Variants in NAA35 observed in about 807,000 individuals in gnomAD.
NAA35 encodes N-alpha-acetyltransferase 35, NatC auxiliary subunit.
A neutral mutation model predicts 101.7 loss-of-function variants in NAA35; 18 were observed. The ratio of observed to expected loss-of-function variants is 0.18; its 90% CI spans 0.12 to 0.26. NAA35 has a LOEUF of 0.26. Ranked by LOEUF, NAA35 falls within the 10% of genes least tolerant of loss-of-function variation. The pLI is 1.00. For missense variants in NAA35, 601 were observed against 886.8 expected (o/e 0.68, Z 4.09); for synonymous variants, 267 against 273.1 (o/e 0.98, Z 0.22).
intron 2 of NAA35, among the ~76,000 whole-genome samples, chr9:85,955,327 CATATATATATATATATATATAT>C (rs1173706353): frequency 3.6e-5 from 3 of 82,864 alleles, no homozygotes; most frequent in Non-Finnish European, 6.2e-5. Context: ...CATCTATATA[CATATATATATATATATATATAT>C]ATATATATAT....
intron 13 of NAA35, 57 bp downstream of exon 13, chr9:86,003,701 G>T: frequency 2.0e-6 from 2 of 1,004,776 alleles, no homozygotes; most frequent in East Asian, 2.6e-5. Flanking sequence ...TATTGACATT[G>T]TTTTATTGAT....
chr9:86,017,619 T>C, intron 19 of NAA35, 54 bp downstream of exon 19: 2 of 1,359,412 alleles, frequency 1.5e-6, no homozygotes, highest in East Asian at 2.4e-5. Context: ...CCCTATTATA[T>C]AGTTTATTTA....
intron 21 of NAA35, 51 bp downstream of exon 21, chr9:86,018,872 AT>A (rs1832374407): frequency 6.3e-7 from 1 of 1,594,076 alleles, no homozygotes; most frequent in African/African-American, 1.3e-5. Flanking sequence ...CAGGAAATAC[AT>A]CTCTTACTGC....
chr9:85,979,964 A>G (rs1467387499), intron 11 of NAA35, among the ~76,000 whole-genome samples: 1 of 152,098 alleles, frequency 6.6e-6, no homozygotes, highest in Non-Finnish European at 1.5e-5. Context: ...CACCAGTTCC[A>G]TGTCTGGGTT....
Position 85,977,350 on chromosome 9 carries a change from C to T in NAA35, c.679-13C>T, listed in dbSNP as rs372840745. ...TGCATCTTTTAACTTTTAGTCCTTT[C>T]TTGTTTTTTTAGCACCAACAATGTT... On this transcript the variant is annotated splice_polypyrimidine_tract_variant and intron_variant, in intron 9 of 22. Coordinates refer to ENST00000361671, the MANE Select transcript of NAA35 (RefSeq NM_024635.4). 1.3e-5 allele frequency: 21 copies of T among 1,598,506 alleles called. No individual in the cohort carries two copies. Among genetic ancestry groups the T allele is most frequent in the Admixed American group, 5.0e-5 (3 of 59,746 alleles).
intron 2 of NAA35, among the ~76,000 whole-genome samples, chr9:85,953,453 A>C (rs1829109584): frequency 6.6e-6 from 1 of 151,962 alleles, no homozygotes; most frequent in Admixed American, 6.6e-5. Context: ...TTGAGACAGA[A>C]TTTCACCCTG....
chr9:85,958,418 G>A, intron 3 of NAA35, 54 bp from the exon 4 acceptor site: 2 of 1,083,330 alleles, frequency 1.8e-6, no homozygotes, highest in Non-Finnish European at 2.8e-6. Context: ...GTGAAAATAT[G>A]AATAAGCTTA....
At chr9:86,007,083 CATA>C (rs1227503113) in intron 13 of NAA35, among the ~76,000 whole-genome samples, 1 of 152,152 alleles carries the variant, frequency 6.6e-6, no homozygotes, top group Non-Finnish European at 1.5e-5. Context: ...GCTCATTTGA[CATA>C]ATCAGATTAG....
intron 2 of NAA35, 80 bp from the exon 3 acceptor site, chr9:85,956,280 A>G (rs1286312111): frequency 1.2e-6 from 1 of 800,460 alleles, no homozygotes; most frequent in Non-Finnish European, 1.9e-6. Context: ...ACATCTTTTC[A>G]GGTGCTAATG....
At chr9:85,956,898 CATG>C (rs1337516683) in intron 3 of NAA35, among the ~76,000 whole-genome samples, 1 of 152,168 alleles carries the variant, frequency 6.6e-6, no homozygotes, top group African/African-American at 2.4e-5. Flanking sequence ...TGCTTCAACT[CATG>C]GTGGAAAGCA....
chr9:85,998,000 C>T (rs1027758764), intron 12 of NAA35, among the ~76,000 whole-genome samples: 1 of 152,034 alleles, frequency 6.6e-6, no homozygotes, highest in African/African-American at 2.4e-5. Context: ...CTGCAAGCTC[C>T]ACCTCCCAGG....
At chr9:85,956,490 A>G in intron 3 of NAA35, 97 bp downstream of exon 3, 2 of 642,086 alleles carry the variant, frequency 3.1e-6, no homozygotes, top group Non-Finnish European at 4.9e-6. Flanking sequence ...GAGTAAATTT[A>G]CGTTTCAAAA....
intron 14 of NAA35, among the ~76,000 whole-genome samples, chr9:86,008,994 C>G (rs1177182373): frequency 2.6e-5 from 4 of 152,158 alleles, no homozygotes; most frequent in Non-Finnish European, 5.9e-5. Flanking sequence ...GAGCTCCTAG[C>G]ATACTAGGGT....
intron 11 of NAA35, among the ~76,000 whole-genome samples, chr9:85,991,359 TGCATGTGG>T (rs980308133): frequency 6.6e-6 from 1 of 151,974 alleles, no homozygotes; most frequent in African/African-American, 2.4e-5. Flanking sequence ...AGGGCATCTG[TGCATGTGG>T]GTGACCAAGT....
At chr9:85,985,194 G>T (rs1204512538) in intron 11 of NAA35, among the ~76,000 whole-genome samples, 2 of 152,194 alleles carry the variant, frequency 1.3e-5, no homozygotes, top group African/African-American at 2.4e-5. Flanking sequence ...ATACAGTACT[G>T]ATTGGAATAT....
intron 6 of NAA35, among the ~76,000 whole-genome samples, chr9:85,973,049 G>C (rs1021547017): frequency 6.6e-6 from 1 of 152,214 alleles, no homozygotes; most frequent in African/African-American, 2.4e-5. Context: ...TTGAGGAATT[G>C]ACATTAGAAC....
At chr9:85,957,116 A>G (rs1021656545) in intron 3 of NAA35, among the ~76,000 whole-genome samples, 2 of 152,212 alleles carry the variant, frequency 1.3e-5, no homozygotes, top group African/African-American at 4.8e-5. Flanking sequence ...GACTCCCCCA[A>G]AAGCTTAACT....
Position 86,022,922 on chromosome 9 carries a change from G to GT in NAA35, c.*964dup, listed in dbSNP as rs1763271432. ...GCAGGCAATACTCTTAGCAAAATGA[G>GT]TTACTCTGTGGTGTAAATTGGCTTT... On this transcript the variant is annotated 3_prime_UTR_variant, in exon 23 of 23. Coordinates refer to ENST00000361671, the MANE Select transcript of NAA35 (RefSeq NM_024635.4). Among the ~76,000 whole-genome samples the GT allele has an allele frequency of 6.6e-6, 1 of 152,188 alleles. No homozygotes were observed. The highest frequency in any genetic ancestry group is 1.5e-5 in the Non-Finnish European group (1 of 68,038).
chr9:85,954,070 A>G (rs1030202450), intron 2 of NAA35, among the ~76,000 whole-genome samples: 5 of 152,106 alleles, frequency 3.3e-5, no homozygotes, highest in Non-Finnish European at 7.4e-5. Context: ...TCATATGGTA[A>G]TTCTGTTTAA....
Sources: allele counts gnomAD v4.1 joint callset (sites outside exome capture counted in the v4.1 genomes callset), GRCh38; gene constraint gnomAD v4.1.1; transcripts MANE v1.5; gene names NCBI Gene and HGNC (gene_info 2026-07-23, HGNC 2026-07-21).